The following LOXHD1 variants were observed in gnomAD, a reference collection of about 807,000 sequenced individuals.
The protein encoded by LOXHD1 is lipoxygenase homology PLAT domains 1, also known as lipoxygenase homology domain-containing protein 1.
A neutral mutation model predicts 248.2 loss-of-function variants in LOXHD1; 205 were observed. The observed-to-expected ratio is 0.83, with a 90% CI of 0.74 to 0.93. The LOEUF (loss-of-function observed/expected upper bound fraction) is 0.93, where lower values mean the gene tolerates loss of function less well. LOXHD1 is among the 40% of genes least tolerant of loss of function. LOXHD1 has a pLI of 0.00. For missense variants in LOXHD1, 2,930 were observed against 2,971.6 expected, an observed-to-expected ratio of 0.99 and a Z score of 0.33; for synonymous variants, 1,113 against 1,162.8, an observed-to-expected ratio of 0.96 and a Z score of 0.87.
intron 25 of LOXHD1, among the ~76,000 whole-genome samples, chr18:46,538,908 CT>C (rs1367769479): frequency 6.6e-6 from 1 of 152,182 alleles, no homozygotes; most frequent in South Asian, 2.1e-4. Flanking sequence ...ACCCATCCAC[CT>C]CACACCCAGC....
intron 28 of LOXHD1, among the ~76,000 whole-genome samples, chr18:46,531,770 T>C (rs2036082800): frequency 6.6e-6 from 1 of 152,198 alleles, no homozygotes; most frequent in Non-Finnish European, 1.5e-5. Flanking sequence ...AGTTTTGTGG[T>C]GTGTTATCCA....
intron 23 of LOXHD1, 123 bp from the exon 24 acceptor site, chr18:46,542,978 G>C: frequency 7.3e-7 from 1 of 1,362,354 alleles, no homozygotes; most frequent in African/African-American, 1.5e-5. Context: ...AATTTAGACT[G>C]TGCAATTATC....
intron 18 of LOXHD1, 125 bp downstream of exon 18, chr18:46,562,940 A>T: frequency 8.6e-7 from 1 of 1,167,146 alleles, no homozygotes; most frequent in Non-Finnish European, 1.2e-6. Context: ...AGCATTTTCC[A>T]CCCAACTGGA....
chr18:46,521,122 G>A lies in LOXHD1; in HGVS notation c.5246C>T (p.Ala1749Val), dbSNP rs1275902855. 6.4e-7 allele frequency: 1 copy of A among 1,551,706 alleles called. No individual in the cohort carries two copies. The highest frequency in any genetic ancestry group is 2.4e-5 in the East Asian group (1 of 40,918). The change falls in exon 33 of 41, where the codon GCC (alanine) becomes GTC (valine). Residue 1749 changes from alanine (A) to valine (V), a missense_variant. Physicochemically the swap from Ala to Val is moderately conservative, Grantham distance 64. Coordinates refer to ENST00000642948, the MANE Select transcript of LOXHD1 (RefSeq NM_001384474.1). ...CTTCACCCCAATGTTCACCACCATG[G>A]CATCCAAGAGGTCGAAGACACGGGA... is the stretch of plus-strand genomic sequence containing the variant. ...ITSRVFDLLD[A>V]MVVNIGVKVL... is the part of the protein sequence containing the mutation.
At chr18:46,560,637 C>T in intron 18 of LOXHD1, 92 bp from the exon 19 acceptor site, 13 of 1,216,064 alleles carry the variant, frequency 1.1e-5, no homozygotes, top group Non-Finnish European at 1.3e-5. Flanking sequence ...AGGCACAAGG[C>T]CTGTTTGCTA....
chr18:46,522,272 G>T lies in LOXHD1; in HGVS notation c.4914C>A (p.His1638Gln). 1.3e-6 allele frequency: 2 copies of T among 1,551,838 alleles called. No individual in the cohort carries two copies. Among genetic ancestry groups the T allele is most frequent in the Non-Finnish European group, 1.7e-6 (2 of 1,147,022 alleles). Reference protein sequence around the residue: ...PYYVSVTTGKHKDAATDSRAF... With the variant: ...PYYVSVTTGKQKDAATDSRAF... Reference sequence around the variant, plus strand: ...CTCGGCTGTCAGTGGCCGCGTCCTTGTGCTTCCCAGTGGTGACTGACACAT... The same window carrying T: ...CTCGGCTGTCAGTGGCCGCGTCCTTTTGCTTCCCAGTGGTGACTGACACAT... Residue 1638 changes from histidine (H) to glutamine (Q), a missense_variant, in exon 32 of 41, where the codon CAC becomes CAA. By Grantham distance (24) the His-to-Gln change is conservative. Coordinates refer to ENST00000642948, the MANE Select transcript of LOXHD1 (RefSeq NM_001384474.1).
intron 4 of LOXHD1, among the ~76,000 whole-genome samples, chr18:46,620,280 C>T (rs1457537097): frequency 6.6e-6 from 1 of 152,190 alleles, no homozygotes; most frequent in Admixed American, 6.5e-5. Context: ...GTCCAGGGCT[C>T]ACTTCACAGA....
chr18:46,498,684 CT>C (rs978662181), intron 37 of LOXHD1, among the ~76,000 whole-genome samples: 1 of 152,198 alleles, frequency 6.6e-6, no homozygotes, highest in Non-Finnish European at 1.5e-5. Context: ...GTTCTCTCAT[CT>C]TTTTATAAAG....
chr18:46,623,396 GA>G (rs964680988), intron 4 of LOXHD1, among the ~76,000 whole-genome samples: 2 of 152,198 alleles, frequency 1.3e-5, no homozygotes, highest in African/African-American at 4.8e-5. Flanking sequence ...TTGATCTGAA[GA>G]ATATACAATG....
In LOXHD1 at chr18:46,591,936, C is replaced by T; in HGVS notation, c.1651G>A (p.Gly551Ser). ...TGGAGAGCCTGTCAGTACTTACTGCCCATGATCCTGCGCACTGTTGGGCCT... is the reference window on the plus strand; with the variant it reads ...TGGAGAGCCTGTCAGTACTTACTGCTCATGATCCTGCGCACTGTTGGGCCT... ...AEGPTVRRIM[G>S]MARYHVTVCT... The change falls in exon 12 of 41, where the codon GGC becomes AGC. Residue 551 changes from glycine to serine, a missense_variant. Transcript: ENST00000642948. 2 of 1,551,764 alleles carry T rather than the reference C, an allele frequency of 1.3e-6. No homozygotes were observed. Among genetic ancestry groups the T allele is most frequent in the Non-Finnish European group, 1.7e-6 (2 of 1,146,962 alleles).
At position 46,634,299 on chromosome 18, in the gene LOXHD1, T is replaced by C. The variant is rs2038864497; in HGVS notation, c.511+5317A>G. On this transcript the variant is annotated intron_variant, in intron 4 of 40. Transcript: ENST00000642948. ...ATAGCATGGATTAAATCTGAAGATA[T>C]TATGCTAAGTGAAATGAGCTAGATG... 2.0e-5 allele frequency among the ~76,000 whole-genome samples: 3 copies of C among 152,218 alleles called. No homozygotes were observed. In the South Asian group the frequency reaches 6.2e-4, roughly 32 times the overall value.
At chr18:46,629,008 T>A (rs1021343378) in intron 4 of LOXHD1, among the ~76,000 whole-genome samples, 2 of 151,888 alleles carry the variant, frequency 1.3e-5, no homozygotes, top group African/African-American at 4.8e-5. Context: ...TATGGGGAGA[T>A]GAAATAGGGC....
intron 37 of LOXHD1, among the ~76,000 whole-genome samples, chr18:46,501,553 G>A (rs1415013945): frequency 6.6e-6 from 1 of 152,198 alleles, no homozygotes; most frequent in Non-Finnish European, 1.5e-5. Context: ...TTGGTCATGA[G>A]TTAAATGTTA....
At chr18:46,529,361 C>T (rs1206663728) in intron 28 of LOXHD1, 30 bp from the exon 29 acceptor site, 2 of 1,512,222 alleles carry the variant, frequency 1.3e-6, no homozygotes, top group Admixed American at 2.1e-5. Flanking sequence ...GACAGACAGA[C>T]AAAGGGAAGA....
chr18:46,554,587 T>A (rs1210709120), intron 21 of LOXHD1, among the ~76,000 whole-genome samples: 1 of 151,938 alleles, frequency 6.6e-6, no homozygotes, highest in East Asian at 1.9e-4. Flanking sequence ...CCTGGCAGAC[T>A]GCTACTTCAA....
intron 37 of LOXHD1, among the ~76,000 whole-genome samples, chr18:46,495,068 G>C (rs1006702908): frequency 6.6e-6 from 1 of 151,816 alleles, no homozygotes; most frequent in African/African-American, 2.4e-5. Flanking sequence ...GGGTTTCACC[G>C]TGGTCTCGAT....
chr18:46,585,696 A>G (rs2038046785), intron 12 of LOXHD1, among the ~76,000 whole-genome samples: 1 of 152,184 alleles, frequency 6.6e-6, no homozygotes, highest in Non-Finnish European at 1.5e-5. Context: ...TGATTCTAAA[A>G]TTCATATAGA....
intron 4 of LOXHD1, among the ~76,000 whole-genome samples, chr18:46,619,638 G>C (rs2038640262): frequency 6.6e-6 from 1 of 152,180 alleles, no homozygotes; most frequent in Admixed American, 6.5e-5. Flanking sequence ...AGTTGCTCAG[G>C]GCAAAGGACT....
At chr18:46,531,242 C>T (rs533631728) in intron 28 of LOXHD1, among the ~76,000 whole-genome samples, 1 of 150,258 alleles carries the variant, frequency 6.7e-6, no homozygotes, top group Admixed American at 6.6e-5. Context: ...CCCCACTCTG[C>T]CCCACTCAGC....
Sources: gnomAD v4.1 joint callset for allele counts (sites outside exome capture counted in the v4.1 genomes callset) on GRCh38, gnomAD v4.1.1 for gene constraint, MANE v1.5 for transcripts, NCBI Gene and HGNC (gene_info 2026-07-23, HGNC 2026-07-21) for gene names.